CLCN6: variants seen among roughly 807,000 people sequenced by gnomAD.
CLCN6 encodes the protein Cl-/H+ antiporter 6, also known as H(+)/Cl(-) exchange transporter 6.
Under a neutral mutation model 109.8 loss-of-function variants are expected in CLCN6, and 70 were observed. The observed-to-expected ratio is 0.64, with a 90% confidence interval of 0.53 to 0.78. The LOEUF is 0.78. Ranked by LOEUF, CLCN6 falls within the 30% of genes least tolerant of loss-of-function variation. The pLI is 0.00. For synonymous variants in CLCN6, 444 were observed against 447.8 expected (o/e 0.99, Z 0.11); for missense variants, 984 against 1,142.3 (o/e 0.86, Z 2.00).
At chr1:11,816,790 C>A in intron 4 of CLCN6, 110 bp downstream of exon 4, 2 of 679,280 alleles carry the variant, frequency 2.9e-6, no homozygotes, top group Non-Finnish European at 2.4e-6. Flanking sequence ...ACATTTATAA[C>A]ATTATAATGC....
At chr1:11,814,247 C>CTTTTTTTTTTTT (rs1197587407) in intron 2 of CLCN6, among the ~76,000 whole-genome samples, 1 of 131,234 alleles carries the variant, frequency 7.6e-6, no homozygotes, top group Non-Finnish European at 1.6e-5. Context: ...ACTGCTGCGT[C>CTTTTTTTTTTTT]TTTTTTTTTT....
At chr1:11,808,227 T>TTGTGTGTGTGTGTG (rs3073085) in intron 2 of CLCN6, among the ~76,000 whole-genome samples, 5 of 139,156 alleles carry the variant, frequency 3.6e-5, no homozygotes, top group Admixed American at 7.4e-5. Flanking sequence ...GTGTGTGTGT[T>TTGTGTGTGTGTGTG]TGTGTGTGTG....
intron 13 of CLCN6, chr1:11,830,040 T>C (rs1356367806): frequency 6.6e-6 from 1 of 152,414 alleles, no homozygotes; most frequent in Admixed American, 6.5e-5. Context: ...CCTCTGCCTC[T>C]TCCCGGCGTT....
At position 11,823,899 on chromosome 1, in the gene CLCN6, A is replaced by G. The variant is rs554617889; in HGVS notation, c.580+66A>G. 1.4e-4 allele frequency: 219 copies of G among 1,592,572 alleles called. 1 individual carries two copies. The highest frequency in any genetic ancestry group is 1.0e-3 in the Middle Eastern group (6 of 5,962). The stretch of plus-strand genomic sequence containing the variant: ...GCAGAGACGACAAGAAGCATGATGT[A>G]TTTCAGTTATTAGATTTGGACTGCA... On this transcript the variant is annotated intron_variant, in intron 7 of 22. Transcript: ENST00000346436.
At position 11,834,567 on chromosome 1, in the gene CLCN6, G is replaced by A. The variant is rs749003292; in HGVS notation, c.1770G>A (p.Trp590Ter). 6.2e-7 allele frequency: 1 copy of A among 1,614,104 alleles called. No individual in the cohort carries two copies. The highest frequency in any genetic ancestry group is 2.2e-5 in the East Asian group (1 of 44,888). ...TGCGAGGCGTGCCGCTTCTGGAATGGGAGACAGAGGTGGAAATGGACAAGT... is the reference window on the plus strand; with the variant it reads ...TGCGAGGCGTGCCGCTTCTGGAATGAGAGACAGAGGTGGAAATGGACAAGT... ...VGLRGVPLLE[W>*]ETEVEMDKLR... is the part of the protein sequence containing the mutation. The change falls in exon 17 of 23, where the codon TGG (tryptophan) becomes TGA (stop). Residue 590 changes from tryptophan (W) to a stop codon, truncating the protein, a stop_gained. Coordinates refer to ENST00000346436, the MANE Select transcript of CLCN6 (RefSeq NM_001286.5). LOFTEE classifies it high-confidence loss of function. The surrounding 1 kb of genome is among the most constrained non-coding windows in gnomAD (Gnocchi z 4.5).
rs143307470 is a variant in CLCN6, at chr1:11,819,538, C to T, written c.330C>T (p.Phe110=). The change falls in exon 5 of 23, where the codon TTC becomes TTT. Residue 110 remains phenylalanine (F), a synonymous_variant. Coordinates refer to ENST00000346436, the MANE Select transcript of CLCN6 (RefSeq NM_001286.5). ...TGCGACTCTTCACCCAACTCAAGTT[C>T]GGAGTGGTACAGACATGTATCCTTT... is the stretch of plus-strand genomic sequence containing the variant. ...FFVRLFTQLK[F]GVVQTSVEEC... is the part of the protein sequence containing the mutation. 5.8e-5 allele frequency: 94 copies of T among 1,614,022 alleles called. No individual in the cohort carries two copies. The highest frequency in any genetic ancestry group is 7.3e-5 in the Non-Finnish European group (86 of 1,180,032).
intron 5 of CLCN6, among the ~76,000 whole-genome samples, chr1:11,821,169 A>T (rs909347445): frequency 6.6e-6 from 1 of 151,116 alleles, no homozygotes; most frequent in Admixed American, 6.6e-5. Context: ...ACTCCAAATA[A>T]CAACAATAAA....
At chr1:11,827,494 G>A (rs939424531) in intron 10 of CLCN6, among the ~76,000 whole-genome samples, 3 of 143,854 alleles carry the variant, frequency 2.1e-5, no homozygotes, top group Non-Finnish European at 4.5e-5. Flanking sequence ...GGAGGGCAGT[G>A]ACGCGATCTC....
intron 12 of CLCN6, 113 bp downstream of exon 12, chr1:11,828,737 C>G: frequency 8.7e-7 from 1 of 1,148,782 alleles, no homozygotes; most frequent in South Asian, 1.5e-5. Flanking sequence ...GATTTCTCAT[C>G]TAAGACTGAG....
intron 2 of CLCN6, among the ~76,000 whole-genome samples, chr1:11,813,392 A>G (rs1432724518): frequency 7.0e-6 from 1 of 142,832 alleles, no homozygotes; most frequent in Non-Finnish European, 1.5e-5. Flanking sequence ...AGTAAAAAAG[A>G]TTTTTTTTTT....
intron 4 of CLCN6, 151 bp downstream of exon 4, chr1:11,816,831 C>T: frequency 1.9e-6 from 1 of 517,090 alleles, no homozygotes. Context: ...TCAAGAGTGC[C>T]TTTTCTTTTT....
At chr1:11,807,523 G>A (rs996774124) in intron 2 of CLCN6, among the ~76,000 whole-genome samples, 1 of 152,240 alleles carries the variant, frequency 6.6e-6, no homozygotes, top group Non-Finnish European at 1.5e-5. Flanking sequence ...CCTAACAGGT[G>A]TGTGCTTATA....
intron 13 of CLCN6, 130 bp from the exon 14 acceptor site, chr1:11,833,385 T>A (rs1570537765): frequency 1.3e-6 from 1 of 770,722 alleles, no homozygotes; most frequent in East Asian, 2.5e-5. Context: ...TTGGTAGAGG[T>A]CAGTTTTTGG....
intron 13 of CLCN6, among the ~76,000 whole-genome samples, chr1:11,830,844 GT>G (rs1413968434): frequency 2.3e-4 from 31 of 132,512 alleles, no homozygotes; most frequent in Non-Finnish European, 1.6e-5. Context: ...TGTTTGTTTT[GT>G]TTTTTTAAGA....
rs1455302204 is a variant in CLCN6, at chr1:11,840,143, A to G, written c.2530A>G (p.Ile844Val). The change falls in exon 23 of 23, where the codon ATC becomes GTC. Residue 844 changes from isoleucine (I) to valine (V), a missense_variant and splice_region_variant. Transcript: ENST00000346436. ...GACTCAGGCCTTCTCTTTGCCCTAG[A>G]TCGTGGGGATCATCACACGGCACAA... ...HLPVVNAVGE[I>V]VGIITRHNLT... 4 of 1,613,640 alleles carry G rather than the reference A, an allele frequency of 2.5e-6. No homozygotes were observed. The highest frequency in any genetic ancestry group is 3.4e-6 in the Non-Finnish European group (4 of 1,179,880).
chr1:11,840,034 A>G, intron 22 of CLCN6, 109 bp from the exon 23 acceptor site: 1 of 889,218 alleles, frequency 1.1e-6, no homozygotes, highest in South Asian at 1.3e-5. Flanking sequence ...GCTGTGCACT[A>G]TCCAGGCCTC....
chr1:11,829,570 C>G (rs529763378), intron 13 of CLCN6, among the ~76,000 whole-genome samples: 1 of 151,428 alleles, frequency 6.6e-6, no homozygotes, highest in Admixed American at 6.6e-5. Context: ...GGGAACAACC[C>G]TGGCGTCACA....
chr1:11,831,220 G>T (rs946506753), intron 13 of CLCN6, among the ~76,000 whole-genome samples: 3 of 151,164 alleles, frequency 2.0e-5, no homozygotes, highest in Admixed American at 1.3e-4. Context: ...GGAGTGGCAA[G>T]ATCTCGGCTC....
rs1408934596 is a variant in CLCN6, at chr1:11,829,177, G to A, written c.1122-19G>A. 6.2e-7 allele frequency: 1 copy of A among 1,611,822 alleles called. No individual in the cohort carries two copies. The highest frequency in any genetic ancestry group is 8.5e-7 in the Non-Finnish European group (1 of 1,178,676). ...AGCTTCTTTCTGTGGCGTTGTAACA[G>A]CTGTGCTTTGCCTCCTAGAGTCTTA... On this transcript the variant is annotated intron_variant, in intron 12 of 22. Transcript: ENST00000346436.
Sources: allele counts gnomAD v4.1 joint callset (sites outside exome capture counted in the v4.1 genomes callset), GRCh38; gene constraint gnomAD v4.1.1; non-coding constraint Gnocchi (gnomAD v3.1); transcripts MANE v1.5; gene names NCBI Gene and HGNC (gene_info 2026-07-23, HGNC 2026-07-21).